Variants in NDUFAF6 observed in about 807,000 individuals in gnomAD.
NDUFAF6 encodes NADH dehydrogenase (ubiquinone) complex I, assembly factor 6.
NDUFAF6 carries 45 observed loss-of-function variants against 40.8 expected under a neutral mutation model. The observed-to-expected ratio is 1.10, with a 90% CI of 0.87 to 1.42. The LOEUF is 1.42. Among genes scored for constraint, NDUFAF6 ranks in the 40% most tolerant of loss-of-function variants. The probability of loss-of-function intolerance (pLI) is 0.00; values close to 1 mark genes in which losing one functional copy is unlikely to be tolerated. For missense variants in NDUFAF6, 435 were observed against 418.5 expected (o/e 1.04, Z -0.34); for synonymous variants, 185 against 155.9 (o/e 1.19, Z -1.39).
chr8:94,944,793 C>T (rs1821846351), intron 1 of NDUFAF6, among the ~76,000 whole-genome samples: 1 of 152,194 alleles, frequency 6.6e-6, no homozygotes, highest in Admixed American at 6.5e-5. Context: ...TAAATTGGCC[C>T]TTCTGAGCTT....
rs28545508 is a variant in NDUFAF6, at chr8:95,046,528, C to A, written c.581-466C>A. ...GAAGAAGGTAATATATATCTCTATA[C>A]CTCCCTAAAAGAATAATACAAGTCC... On this transcript the variant is annotated intron_variant, in intron 5 of 8. Transcript: ENST00000396124. Among the ~76,000 whole-genome samples the A allele has an allele frequency of 9.0e-3, 1,364 of 152,248 alleles. 10 individuals are homozygous for A. Among genetic ancestry groups the A allele is most frequent in the Non-Finnish European group, 0.011 (765 of 68,018 alleles).
downstream of NDUFAF6, among the ~76,000 whole-genome samples, chr8:95,104,292 C>T (rs904334709): frequency 6.6e-6 from 1 of 152,192 alleles, no homozygotes; most frequent in African/African-American, 2.4e-5. Flanking sequence ...CCTCATTCTT[C>T]CGTGGAAATA....
At chr8:95,075,879 G>A (rs898188395) in exon 10 of NDUFAF6, 2 of 390,656 alleles carry the variant, frequency 5.1e-6, no homozygotes, top group African/African-American at 2.1e-5. Context: ...AACACAGGTC[G>A]ATGTTAGTGT....
chr8:95,060,116 T>G (rs1289335001), downstream of NDUFAF6, among the ~76,000 whole-genome samples: 2 of 152,124 alleles, frequency 1.3e-5, no homozygotes, highest in Non-Finnish European at 2.9e-5. Flanking sequence ...TCAAAATACT[T>G]TCTAAACCAT....
At chr8:94,975,373 C>T (rs1280251357) in intron 1 of NDUFAF6, 1 of 152,210 alleles carries the variant, frequency 6.6e-6, no homozygotes, top group African/African-American at 2.4e-5. Context: ...CTGAACTGCT[C>T]CTGCCAAGGC....
chr8:95,042,115 G>A (rs1830217289), intron 4 of NDUFAF6, among the ~76,000 whole-genome samples: 1 of 152,048 alleles, frequency 6.6e-6, no homozygotes, highest in Admixed American at 6.6e-5. Context: ...ATATACCCCA[G>A]TACTTGGATC....
downstream of NDUFAF6, among the ~76,000 whole-genome samples, chr8:95,107,333 A>G (rs1275681245): frequency 1.3e-5 from 2 of 152,216 alleles, no homozygotes; most frequent in Non-Finnish European, 2.9e-5. Flanking sequence ...TTGCAAGGAC[A>G]TGGATGAAGC....
At chr8:95,050,520 A>G (rs959924062) in intron 7 of NDUFAF6, among the ~76,000 whole-genome samples, 3 of 152,224 alleles carry the variant, frequency 2.0e-5, no homozygotes, top group Admixed American at 2.0e-4. Context: ...CCTCATCTGT[A>G]GTAGTGGATC....
At chr8:95,072,723 C>T (rs1832908184) in intron 9 of NDUFAF6, 1 of 152,748 alleles carries the variant, frequency 6.5e-6, no homozygotes, top group African/African-American at 2.4e-5. Context: ...CCACCTGAGA[C>T]CAGGTATGTG....
rs11432186 is a variant in NDUFAF6, at chr8:94,897,706, C to CTTTTTTTTT, written c.-936+1787_-936+1795dup. Among the ~76,000 whole-genome samples the CTTTTTTTTT allele has an allele frequency of 3.0e-5, 4 of 131,960 alleles. 1 individual carries two copies. The highest frequency in any genetic ancestry group is 1.6e-5 in the Non-Finnish European group (1 of 63,922). 86.6% of individuals were successfully genotyped at this position (131,960 alleles called of 152,430 possible). A position where few individuals can be genotyped will look rare whatever the true frequency, so the allele number is the denominator to read the frequency against. Reference sequence around the variant, plus strand: ...GCCCACCCATTTCTTTATTCTGTGCCTTTTTTTTTTTTTTTTGTATATCTC... The same window carrying CTTTTTTTTT: ...GCCCACCCATTTCTTTATTCTGTGCCTTTTTTTTTTTTTTTTTTTTTTTTTGTATATCTC... On this transcript the variant is annotated intron_variant, in intron 1 of 14. Transcript: ENST00000396113.
intron 2 of NDUFAF6, among the ~76,000 whole-genome samples, chr8:95,006,339 G>A (rs1435088335): frequency 2.7e-5 from 3 of 109,520 alleles, no homozygotes; most frequent in Non-Finnish European, 5.1e-5. Context: ...TAGGCGACAA[G>A]AGCAAGACTC....
At chr8:95,076,926 C>T (rs1808647453), downstream of NDUFAF6, among the ~76,000 whole-genome samples, 1 of 151,684 alleles carries the variant, frequency 6.6e-6, no homozygotes, top group African/African-American at 2.4e-5. Flanking sequence ...TGTTGAGGTC[C>T]TAACCCTCAG....
intron 2 of NDUFAF6, among the ~76,000 whole-genome samples, chr8:95,102,662 G>C (rs1809686898): frequency 6.6e-6 from 1 of 152,144 alleles, no homozygotes; most frequent in Admixed American, 6.5e-5. Context: ...GTACCTGAGG[G>C]AGGTGCCCTG....
chr8:95,082,081 A>C (rs368250931), intron 2 of NDUFAF6, among the ~76,000 whole-genome samples: 36 of 152,248 alleles, frequency 2.4e-4, no homozygotes, highest in African/African-American at 7.7e-4. Flanking sequence ...AACAACAAAA[A>C]AAAAAAAACT....
At chr8:95,108,506 A>G (rs539166625) in intron 4 of NDUFAF6, among the ~76,000 whole-genome samples, 1 of 152,338 alleles carries the variant, frequency 6.6e-6, no homozygotes, top group African/African-American at 2.4e-5. Context: ...AAGAATAGTC[A>G]AATACCTAGA....
chr8:94,926,162 A>G (rs1167256388), intron 1 of NDUFAF6: 1 of 152,678 alleles, frequency 6.5e-6, no homozygotes, highest in Non-Finnish European at 1.5e-5. Flanking sequence ...ACCAATCAGT[A>G]TAAAAAATTT....
chr8:95,081,022 A>G (rs1808842936), downstream of NDUFAF6, among the ~76,000 whole-genome samples: 1 of 151,970 alleles, frequency 6.6e-6, no homozygotes, highest in African/African-American at 2.4e-5. Flanking sequence ...TATCCTTTCT[A>G]CAAATACTGA....
At chr8:95,046,032 A>ATTTATTTTATTTTTTTTTTT (rs1554676268) in intron 5 of NDUFAF6, among the ~76,000 whole-genome samples, 1 of 147,710 alleles carries the variant, frequency 6.8e-6, no homozygotes, top group African/African-American at 2.7e-5. Flanking sequence ...AGTAAAACAC[A>ATTTATTTTATTTTTTTTTTT]TTTATTTTAT....
At chr8:95,060,540 A>G (rs566214265), downstream of NDUFAF6, among the ~76,000 whole-genome samples, 1 of 152,230 alleles carries the variant, frequency 6.6e-6, no homozygotes, top group African/African-American at 2.4e-5. Context: ...TGTAGCTAAC[A>G]CTTATTGAAC....
Sources: gnomAD v4.1 joint callset for allele counts (sites outside exome capture counted in the v4.1 genomes callset) on GRCh38, gnomAD v4.1.1 for gene constraint, MANE v1.5 for transcripts, NCBI Gene and HGNC (gene_info 2026-07-23, HGNC 2026-07-21) for gene names.